ITSN1: variants seen among roughly 807,000 people sequenced by gnomAD.
ITSN1 encodes the protein intersectin-1.
In ITSN1, 58 loss-of-function variants were observed where a neutral mutation model predicts 239.8. That is an observed-to-expected ratio of 0.24 (90% CI 0.20 to 0.30). The LOEUF (loss-of-function observed/expected upper bound fraction) is 0.30, where lower values mean the gene tolerates loss of function less well. ITSN1 is among the 10% of genes least tolerant of loss of function. The pLI is 1.00. For missense variants in ITSN1, 1,558 were observed against 2,103.3 expected, an observed-to-expected ratio of 0.74 and a Z score of 5.07; for synonymous variants, 780 against 770.8, an observed-to-expected ratio of 1.01 and a Z score of -0.20.
At chr21:33,747,310 G>GA (rs989219591) in intron 5 of ITSN1, among the ~76,000 whole-genome samples, 2 of 151,636 alleles carry the variant, frequency 1.3e-5, no homozygotes, top group African/African-American at 2.4e-5. Context: ...CAAAAAGATT[G>GA]AAAAAAAATA....
intron 1 of ITSN1, among the ~76,000 whole-genome samples, chr21:33,711,491 T>C (rs1349374593): frequency 6.6e-6 from 1 of 152,160 alleles, no homozygotes; most frequent in Non-Finnish European, 1.5e-5. Flanking sequence ...TAATTATCGG[T>C]TGTTGGAATT....
intron 22 of ITSN1, among the ~76,000 whole-genome samples, chr21:33,815,067 G>C (rs1220194051): frequency 6.6e-6 from 1 of 152,220 alleles, no homozygotes; most frequent in Non-Finnish European, 1.5e-5. Flanking sequence ...TTGTGTTTTA[G>C]TTGTGTTGAG....
intron 27 of ITSN1, among the ~76,000 whole-genome samples, chr21:33,830,078 G>T (rs145253355): frequency 6.6e-6 from 1 of 152,270 alleles, no homozygotes; most frequent in Non-Finnish European, 1.5e-5. Flanking sequence ...TTCATCAGTG[G>T]TATTAGAAGG....
In ITSN1 at chr21:33,857,864, C is replaced by T. The variant is rs186566688; in HGVS notation, c.3784-822C>T. On this transcript the variant is annotated intron_variant, in intron 30 of 39. Coordinates refer to ENST00000381318, the MANE Select transcript of ITSN1 (RefSeq NM_003024.3). Reference sequence around the variant, plus strand: ...TTGCCCTGGTACATGCCGGGTTCAACGTCGGCTTAAGGACTCCTGTGGAAT... The same window carrying T: ...TTGCCCTGGTACATGCCGGGTTCAATGTCGGCTTAAGGACTCCTGTGGAAT... Among the ~76,000 whole-genome samples the T allele has an allele frequency of 6.3e-3, 954 of 152,266 alleles. 9 individuals carry two copies. Among genetic ancestry groups the T allele is most frequent in the Non-Finnish European group, 9.2e-3 (629 of 68,004 alleles).
At position 33,896,934 on chromosome 21, in the gene ITSN1, C is replaced by G. The variant is rs946830742; in HGVS notation, c.*8634C>G. ...TCTCACCTGGATTTGATTGAGTCACCTTGAATGACATAACAAATTATGGCT... is the reference window on the plus strand; with the variant it reads ...TCTCACCTGGATTTGATTGAGTCACGTTGAATGACATAACAAATTATGGCT... On this transcript the variant is annotated 3_prime_UTR_variant, in exon 40 of 40. Transcript: ENST00000381318. 3 of 152,208 alleles carry G rather than the reference C, an allele frequency of 2.0e-5. No individual in the cohort carries two copies. The highest frequency in any genetic ancestry group is 7.2e-5 in the African/African-American group (3 of 41,452). The allele number at this position is 152,208 out of a possible 1,614,324, so 9.4% of individuals were successfully genotyped here.
chr21:33,781,966 T>A, intron 15 of ITSN1, 28 bp from the exon 16 acceptor site: 6 of 1,567,894 alleles, frequency 3.8e-6, no homozygotes, highest in Non-Finnish European at 5.2e-6. Context: ...AAAGTTTTTC[T>A]TATCTTTGCG....
At chr21:33,755,968 T>C (rs1319545327) in intron 8 of ITSN1, among the ~76,000 whole-genome samples, 1 of 152,184 alleles carries the variant, frequency 6.6e-6, no homozygotes, top group African/African-American at 2.4e-5. Context: ...TTTAGCATAC[T>C]GTTCAAAATT....
chr21:33,837,705 G>T (rs968947722), intron 29 of ITSN1: 4 of 985,878 alleles, frequency 4.1e-6, no homozygotes, highest in Non-Finnish European at 4.8e-6. Flanking sequence ...CTATTACCTT[G>T]TACGATGCTC....
In ITSN1 at chr21:33,888,216, A is replaced by G. The variant is rs1166317495; in HGVS notation, c.5082A>G (p.Pro1694=). 6.2e-7 allele frequency: 1 copy of G among 1,614,150 alleles called. No individual in the cohort carries two copies. The highest frequency in any genetic ancestry group is 8.5e-7 in the Non-Finnish European group (1 of 1,180,008). The change falls in exon 40 of 40, where the codon CCA becomes CCG. Residue 1694 remains proline (P), a synonymous_variant. Transcript: ENST00000381318. The part of the protein sequence containing the change: ...DIKKDQGSKG[P]VTKCLLLHEV... ...AGAAAGACCAGGGCTCCAAAGGTCC[A>G]GTTACGAAGTGTCTTCTGCTGCACG...
chr21:33,668,221 A>G (rs540404621), intron 1 of ITSN1, among the ~76,000 whole-genome samples: 1 of 152,360 alleles, frequency 6.6e-6, no homozygotes, highest in South Asian at 2.1e-4. Flanking sequence ...AATGAAAGAA[A>G]AAGTTGAAGA....
At chr21:33,671,338 G>C (rs2090263072) in intron 1 of ITSN1, among the ~76,000 whole-genome samples, 1 of 152,014 alleles carries the variant, frequency 6.6e-6, no homozygotes, top group Admixed American at 6.5e-5. Context: ...ACCCAGGCTG[G>C]ATTGCAGTGG....
chr21:33,674,548 C>G (rs1462560016), intron 1 of ITSN1, among the ~76,000 whole-genome samples: 1 of 151,972 alleles, frequency 6.6e-6, no homozygotes, highest in Admixed American at 6.6e-5. Context: ...AAATGGGGCC[C>G]AGTGTGTTTG....
rs544351602 is a variant in ITSN1, at chr21:33,867,459, G to C, written c.4173+128G>C. 3 of 650,320 alleles carry C rather than the reference G, an allele frequency of 4.6e-6. No individual in the cohort carries two copies. The African/African-American group carries it at 5.4e-5, about 12-fold the overall frequency. The allele number at this position is 650,320 out of a possible 1,614,324, so 40.3% of individuals were successfully genotyped here. A position where few individuals can be genotyped will look rare whatever the true frequency, so the allele number is the denominator to read the frequency against. ...TGTGTAGAAAGCACGAGACAACAAG[G>C]TGTCACAGAGGTCTGCTTGGTAACT... On this transcript the variant is annotated intron_variant, in intron 33 of 39. Coordinates refer to ENST00000381318, the MANE Select transcript of ITSN1 (RefSeq NM_003024.3).
intron 1 of ITSN1, among the ~76,000 whole-genome samples, chr21:33,643,118 C>T (rs1340424709): frequency 6.6e-6 from 1 of 151,128 alleles, no homozygotes; most frequent in African/African-American, 2.4e-5. Context: ...CGAGGGGCGG[C>T]CCGGCCTCGC....
intron 1 of ITSN1, among the ~76,000 whole-genome samples, chr21:33,695,478 T>G (rs547063141): frequency 6.6e-6 from 1 of 152,258 alleles, no homozygotes; most frequent in Non-Finnish European, 1.5e-5. Context: ...TTGTTATCTT[T>G]TAAAAATCTT....
intron 20 of ITSN1, among the ~76,000 whole-genome samples, chr21:33,808,356 G>A (rs529562575): frequency 6.6e-6 from 1 of 152,250 alleles, no homozygotes; most frequent in East Asian, 1.9e-4. Flanking sequence ...AGGCCTAGGC[G>A]GGCAGATCAC....
chr21:33,887,667 G>T (rs184188751), intron 39 of ITSN1, among the ~76,000 whole-genome samples: 1 of 151,936 alleles, frequency 6.6e-6, no homozygotes, highest in Non-Finnish European at 1.5e-5. Context: ...GCACAGTGGT[G>T]CAATCACAGC....
At chr21:33,864,053 A>T (rs1374005271) in intron 31 of ITSN1, among the ~76,000 whole-genome samples, 1 of 152,230 alleles carries the variant, frequency 6.6e-6, no homozygotes, top group Non-Finnish European at 1.5e-5. Flanking sequence ...TTTAGCCAAA[A>T]ATGTGGGAGA....
Position 33,851,733 on chromosome 21 carries a change from C to CT in ITSN1, c.3662-4991dup, listed in dbSNP as rs112609513. 2.2e-3 allele frequency among the ~76,000 whole-genome samples: 214 copies of CT among 98,654 alleles called. 1 individual carries two copies. Among genetic ancestry groups the CT allele is most frequent in the South Asian group, 5.3e-3 (16 of 3,004 alleles). 64.7% of individuals were successfully genotyped at this position (98,654 alleles called of 152,430 possible). The stretch of plus-strand genomic sequence containing the variant: ...TTTTTAATGCTTGCTATTTTAATTT[C>CT]TTTTTTTTTTTTCTCGTTTTTTTTC... On this transcript the variant is annotated intron_variant, in intron 29 of 39. Transcript: ENST00000381318.
Sources: allele counts gnomAD v4.1 joint callset (sites outside exome capture counted in the v4.1 genomes callset), GRCh38; gene constraint gnomAD v4.1.1; transcripts MANE v1.5; gene names NCBI Gene and HGNC (gene_info 2026-07-23, HGNC 2026-07-21).